The following ERBB4 variants were observed in gnomAD, a reference collection of about 807,000 sequenced individuals.
The protein encoded by ERBB4 is receptor tyrosine-protein kinase erbB-4.
ERBB4 carries 42 observed loss-of-function variants against 158.0 expected under a neutral mutation model. That is an observed-to-expected ratio of 0.27 (90% confidence interval 0.21 to 0.34). The LOEUF (loss-of-function observed/expected upper bound fraction) is 0.34. Among genes scored for constraint, ERBB4 ranks in the 10% least tolerant of loss-of-function variants. ERBB4 has a pLI of 1.00. For missense variants in ERBB4, 1,333 were observed against 1,624.1 expected, an observed-to-expected ratio of 0.82 and a Z score of 3.08; for synonymous variants, 583 against 558.7, an observed-to-expected ratio of 1.04 and a Z score of -0.61.
intron 1 of ERBB4, among the ~76,000 whole-genome samples, chr2:212,146,004 C>T (rs1381375023): frequency 6.6e-6 from 1 of 152,122 alleles, no homozygotes; most frequent in Non-Finnish European, 1.5e-5. Flanking sequence ...TCTACTTATG[C>T]TTCCTGGTGT....
intron 1 of ERBB4, among the ~76,000 whole-genome samples, chr2:212,310,372 T>C (rs1574652576): frequency 6.6e-6 from 1 of 150,864 alleles, no homozygotes; most frequent in East Asian, 2.0e-4. Flanking sequence ...CCTCCCTCTA[T>C]TGGGGAACAA....
chr2:212,008,604 G>GAGTTAAACAGTGTTTAACA (rs2076310547), intron 2 of ERBB4, among the ~76,000 whole-genome samples: 1 of 152,032 alleles, frequency 6.6e-6, no homozygotes, highest in Non-Finnish European at 1.5e-5. Context: ...CATTTTAACA[G>GAGTTAAACAGTGTTTAACA]TTCACAACAC....
chr2:212,101,928 T>C (rs2079096220), intron 2 of ERBB4, among the ~76,000 whole-genome samples: 2 of 151,734 alleles, frequency 1.3e-5, no homozygotes, highest in South Asian at 4.2e-4. Flanking sequence ...TTACCTCCTT[T>C]CGGTCACCAA....
chr2:211,973,975 C>G (rs1451131263), intron 2 of ERBB4, among the ~76,000 whole-genome samples: 1 of 152,132 alleles, frequency 6.6e-6, no homozygotes, highest in Non-Finnish European at 1.5e-5. Flanking sequence ...CAAACTAACA[C>G]AAGAACAGAA....
chr2:212,005,644 C>A (rs2076242253), intron 2 of ERBB4, among the ~76,000 whole-genome samples: 1 of 152,070 alleles, frequency 6.6e-6, no homozygotes, highest in African/African-American at 2.4e-5. Flanking sequence ...TGTAGGAACA[C>A]TATATGTAGT....
chr2:212,280,931 C>T (rs190369879), intron 1 of ERBB4, among the ~76,000 whole-genome samples: 1 of 151,708 alleles, frequency 6.6e-6, no homozygotes, highest in East Asian at 1.9e-4. Flanking sequence ...AGACCTAGAT[C>T]CGAGGACTTG....
intron 19 of ERBB4, among the ~76,000 whole-genome samples, chr2:211,617,547 G>A (rs1006800446): frequency 7.9e-5 from 12 of 152,048 alleles, no homozygotes; most frequent in African/African-American, 2.9e-4. Context: ...GCAACAAGGT[G>A]ATATTTAAAA....
At chr2:211,616,389 A>C (rs1358886795) in intron 19 of ERBB4, among the ~76,000 whole-genome samples, 2 of 152,136 alleles carry the variant, frequency 1.3e-5, no homozygotes, top group Non-Finnish European at 2.9e-5. Context: ...TTCTTATTTC[A>C]AGGGTAGCTT....
At chr2:211,974,991 C>CT (rs113104974) in intron 2 of ERBB4, among the ~76,000 whole-genome samples, 40 of 148,988 alleles carry the variant, frequency 2.7e-4, no homozygotes, top group African/African-American at 5.7e-4. Context: ...ATATCCATCA[C>CT]TTTTTTTTTT....
At chr2:211,837,879 T>C (rs1256715603) in intron 3 of ERBB4, among the ~76,000 whole-genome samples, 1 of 152,024 alleles carries the variant, frequency 6.6e-6, no homozygotes, top group East Asian at 1.9e-4. Flanking sequence ...TAGAGGTGAA[T>C]CAGAAAATGA....
intron 1 of ERBB4, among the ~76,000 whole-genome samples, chr2:212,469,903 G>A (rs965330588): frequency 2.6e-5 from 4 of 151,968 alleles, no homozygotes; most frequent in African/African-American, 9.7e-5. Flanking sequence ...TTTTCGGATG[G>A]AACATCAGTT....
At chr2:212,202,210 G>T (rs555768395) in intron 1 of ERBB4, among the ~76,000 whole-genome samples, 1 of 152,144 alleles carries the variant, frequency 6.6e-6, no homozygotes, top group Non-Finnish European at 1.5e-5. Context: ...TTTTATAAGT[G>T]ATAGTAACTT....
At chr2:212,457,841 G>A (rs962551387) in intron 1 of ERBB4, among the ~76,000 whole-genome samples, 2 of 151,860 alleles carry the variant, frequency 1.3e-5, no homozygotes, top group Admixed American at 6.6e-5. Flanking sequence ...GTAAAGTCTT[G>A]ATCTTAAAGA....
intron 1 of ERBB4, among the ~76,000 whole-genome samples, chr2:212,377,952 A>G (rs1228274171): frequency 6.6e-6 from 1 of 151,468 alleles, no homozygotes; most frequent in Non-Finnish European, 1.5e-5. Flanking sequence ...GCTTTTTCCT[A>G]TTTTTATCTT....
chr2:211,705,257 T>A (rs2073394880), intron 10 of ERBB4, 61 bp downstream of exon 10: 1 of 1,165,482 alleles, frequency 8.6e-7, no homozygotes, highest in Non-Finnish European at 1.3e-6. Flanking sequence ...CAGTCAATCT[T>A]GTGTAATTTT....
chr2:211,823,672 T>C (rs1039974152), intron 3 of ERBB4, among the ~76,000 whole-genome samples: 9 of 152,166 alleles, frequency 5.9e-5, no homozygotes, highest in South Asian at 2.1e-4. Context: ...TTCATATTTC[T>C]ACTGCATTAT....
chr2:211,573,699 G>A (rs1049105689), intron 19 of ERBB4, among the ~76,000 whole-genome samples: 1 of 41,726 alleles, frequency 2.4e-5, no homozygotes, highest in African/African-American at 1.4e-4. Context: ...TAAAATAATA[G>A]AAAATATTAA....
rs149430962 is a variant in ERBB4, at chr2:211,572,496, T to C, written c.2302-10408A>G. On this transcript the variant is annotated intron_variant, in intron 19 of 27. Transcript: ENST00000342788. Reference sequence around the variant, plus strand: ...AACGGGCTACGACGCTCCCTGGCTTTCATTTGGGTTCAGCCAGTGCAAAGC... The same window carrying C: ...AACGGGCTACGACGCTCCCTGGCTTCCATTTGGGTTCAGCCAGTGCAAAGC... 4.6e-5 allele frequency among the ~76,000 whole-genome samples: 7 copies of C among 152,308 alleles called. No homozygotes were observed. The East Asian group carries it at 1.4e-3, about 29-fold the overall frequency.
intron 22 of ERBB4, among the ~76,000 whole-genome samples, chr2:211,427,728 T>A (rs1175316583): frequency 6.6e-6 from 1 of 151,982 alleles, no homozygotes; most frequent in South Asian, 2.1e-4. Flanking sequence ...AAAAAGTTGG[T>A]TTTGTTTTTG....
Sources: gnomAD v4.1 joint callset for allele counts (sites outside exome capture counted in the v4.1 genomes callset) on GRCh38, gnomAD v4.1.1 for gene constraint, MANE v1.5 for transcripts, NCBI Gene and HGNC (gene_info 2026-07-23, HGNC 2026-07-21) for gene names.